The following PEX3 variants were observed in gnomAD, a reference collection of about 807,000 sequenced individuals.
PEX3 encodes the protein peroxisomal biogenesis factor 3, also known as peroxin-3.
In PEX3, 30 loss-of-function variants were observed where a neutral mutation model predicts 55.8. That is an observed-to-expected ratio of 0.54 (90% CI 0.40 to 0.73). The LOEUF (loss-of-function observed/expected upper bound fraction) is 0.73, where lower values mean the gene tolerates loss of function less well. PEX3 is among the 30% of genes least tolerant of loss of function. The probability of loss-of-function intolerance (pLI) is 0.00; values close to 1 mark genes in which losing one functional copy is unlikely to be tolerated. For missense variants in PEX3, 351 were observed against 432.8 expected (o/e 0.81, Z 1.68); for synonymous variants, 135 against 148.4 (o/e 0.91, Z 0.66).
Position 143,471,135 on chromosome 6 carries a change from A to C in PEX3, c.456+50A>C, listed in dbSNP as rs1780067775. 6.6e-7 allele frequency: 1 copy of C among 1,521,644 alleles called. No homozygotes were observed. The highest frequency in any genetic ancestry group is 9.1e-7 in the Non-Finnish European group (1 of 1,096,812). The allele number at this position is 1,521,644 out of a possible 1,614,324, so 94.3% of individuals were successfully genotyped here. A position where few individuals can be genotyped will look rare whatever the true frequency, so the allele number is the denominator to read the frequency against. Reference sequence around the variant, plus strand: ...CATTGTTCTTTCCCTCAGGAGGTTCAAAGTTTAACTTATTTATCCTGATAA... The same window carrying C: ...CATTGTTCTTTCCCTCAGGAGGTTCCAAGTTTAACTTATTTATCCTGATAA... On this transcript the variant is annotated intron_variant, in intron 5 of 11. Coordinates refer to ENST00000367591, the MANE Select transcript of PEX3 (RefSeq NM_003630.3). The surrounding 1 kb of genome is among the most constrained non-coding windows in gnomAD (Gnocchi z 5.4).
Position 143,484,177 on chromosome 6 carries a change from CTTG to C in PEX3, c.942-969_942-967del, listed in dbSNP as rs780366825. Among the ~76,000 whole-genome samples, 17 of 152,182 alleles carry C rather than the reference CTTG, an allele frequency of 1.1e-4. No homozygotes were observed. The South Asian group carries it at 2.5e-3, about 22-fold the overall frequency. ...CTACAACCCCAACGCAAAAATGAGTCTTGTTGTTTAAGTCATTGCATCACATAC... is the reference window on the plus strand; with the variant it reads ...CTACAACCCCAACGCAAAAATGAGTCTTGTTTAAGTCATTGCATCACATAC... On this transcript the variant is annotated intron_variant, in intron 10 of 11. Transcript: ENST00000367591.
Position 143,489,545 on chromosome 6 carries a change from A to T in PEX3, c.*319A>T, listed in dbSNP as rs223234. On this transcript the variant is annotated 3_prime_UTR_variant, in exon 12 of 12. Coordinates refer to ENST00000367591, the MANE Select transcript of PEX3 (RefSeq NM_003630.3). This position sits in a 1 kb window ranked among gnomAD's most constrained non-coding sequence, Gnocchi z 5.5. ...TATTTTATATACATATATATATATAAAAATACAAAATTCAGTGTACTTTAC... is the reference window on the plus strand; with the variant it reads ...TATTTTATATACATATATATATATATAAATACAAAATTCAGTGTACTTTAC... The T allele has an allele frequency of 0.8, 123,114 of 153,614 alleles. 49,744 individuals carry two copies. Among genetic ancestry groups the T allele is most frequent in the African/African-American group, 0.9 (37,171 of 41,100 alleles). 9.5% of individuals were successfully genotyped at this position (153,614 alleles called of 1,614,324 possible).
At position 143,465,954 on chromosome 6, in the gene PEX3, T is replaced by G. The variant is rs1051144911; in HGVS notation, c.288-2168T>G. Among the ~76,000 whole-genome samples, 5 of 151,980 alleles carry G rather than the reference T, an allele frequency of 3.3e-5. No homozygotes were observed. The highest frequency in any genetic ancestry group is 1.9e-4 in the East Asian group (1 of 5,204). On this transcript the variant is annotated intron_variant, in intron 3 of 11. Coordinates refer to ENST00000367591, the MANE Select transcript of PEX3 (RefSeq NM_003630.3). The surrounding 1 kb of genome is among the most constrained non-coding windows in gnomAD (Gnocchi z 4.7). ...GGACTTGTGTTTTCTATATCTGTGG[T>G]TTTTTTTATTTCATGTTTTCTAGTA...
Position 143,489,055 on chromosome 6 carries a change from G to C in PEX3, c.1039-88G>C, listed in dbSNP as rs1183166877. ...CTCTTGGCCTTTACCACAAAACTTA[G>C]AGCTGAATTCATCGCTTGATTGCAG... On this transcript the variant is annotated intron_variant, in intron 11 of 11. Transcript: ENST00000367591. The surrounding 1 kb of genome is among the most constrained non-coding windows in gnomAD (Gnocchi z 5.5). 3.4e-6 allele frequency: 3 copies of C among 887,292 alleles called. No homozygotes were observed. Among genetic ancestry groups the C allele is most frequent in the Non-Finnish European group, 5.7e-6 (3 of 524,772 alleles). 55.0% of individuals were successfully genotyped at this position (887,292 alleles called of 1,614,324 possible).
Position 143,479,252 on chromosome 6 carries a change from T to C in PEX3, c.941+54T>C. 1 of 1,388,462 alleles carries C rather than the reference T, an allele frequency of 7.2e-7. No homozygotes were observed. The highest frequency in any genetic ancestry group is 1.0e-6 in the Non-Finnish European group (1 of 976,728). 86.0% of individuals were successfully genotyped at this position (1,388,462 alleles called of 1,614,324 possible). Reference sequence around the variant, plus strand: ...AATGAATGCTCTAAAAAAATGGTGCTTTGCTTGTCTTTTTGTTCCAGATAA... The same window carrying C: ...AATGAATGCTCTAAAAAAATGGTGCCTTGCTTGTCTTTTTGTTCCAGATAA... On this transcript the variant is annotated intron_variant, in intron 10 of 11. Coordinates refer to ENST00000367591, the MANE Select transcript of PEX3 (RefSeq NM_003630.3). The surrounding 1 kb of genome is among the most constrained non-coding windows in gnomAD (Gnocchi z 4.6).
chr6:143,479,343 ACTT>A lies in PEX3; in HGVS notation c.941+150_941+152del. 1.6e-6 allele frequency: 1 copy of A among 635,006 alleles called. No homozygotes were observed. The highest frequency in any genetic ancestry group is 1.9e-5 in the South Asian group (1 of 52,378). The allele number at this position is 635,006 out of a possible 1,614,324, so 39.3% of individuals were successfully genotyped here. A position where few individuals can be genotyped will look rare whatever the true frequency, so the allele number is the denominator to read the frequency against. On this transcript the variant is annotated intron_variant, in intron 10 of 11. Coordinates refer to ENST00000367591, the MANE Select transcript of PEX3 (RefSeq NM_003630.3). The surrounding 1 kb of genome is among the most constrained non-coding windows in gnomAD (Gnocchi z 4.6). ...CAAATTAAACTCTGTTAAACCAACA[ACTT>A]CTTCACTAGCAGAAGCTCCTTCTTG...
chr6:143,468,196 T>G lies in PEX3; in HGVS notation c.331+31T>G. 2.1e-6 allele frequency: 3 copies of G among 1,430,470 alleles called. No homozygotes were observed. In the East Asian group the frequency reaches 6.8e-5, roughly 33 times the overall value. The allele number at this position is 1,430,470 out of a possible 1,614,324, so 88.6% of individuals were successfully genotyped here. A position where few individuals can be genotyped will look rare whatever the true frequency, so the allele number is the denominator to read the frequency against. On this transcript the variant is annotated intron_variant, in intron 4 of 11. Transcript: ENST00000367591. The stretch of plus-strand genomic sequence containing the variant: ...CCTGCATATTCTGTGTGACAGCACA[T>G]CCTTAAAATATTTATAAAGGGAAAT...
intron 2 of PEX3, among the ~76,000 whole-genome samples, chr6:143,460,426 T>A (rs1365022150): frequency 6.6e-6 from 1 of 152,218 alleles, no homozygotes; most frequent in Non-Finnish European, 1.5e-5. Flanking sequence ...ATAATGCCTA[T>A]ACAGTGCTTG....
chr6:143,489,113 A>G lies in PEX3; in HGVS notation c.1039-30A>G, dbSNP rs764132918. The G allele has an allele frequency of 1.4e-6, 2 of 1,433,836 alleles. No homozygotes were observed. The highest frequency in any genetic ancestry group is 2.0e-6 in the Non-Finnish European group (2 of 1,016,316). 88.8% of individuals were successfully genotyped at this position (1,433,836 alleles called of 1,614,324 possible). A position where few individuals can be genotyped will look rare whatever the true frequency, so the allele number is the denominator to read the frequency against. On this transcript the variant is annotated intron_variant, in intron 11 of 11. Transcript: ENST00000367591. This position sits in a 1 kb window ranked among gnomAD's most constrained non-coding sequence, Gnocchi z 5.5. ...TTCAAATTAGCTATATGTTTTGCAA[A>G]CTATAATGTTATATTATCATCTTTG...
In PEX3 at chr6:143,475,358, A is replaced by G. The variant is rs920868876; in HGVS notation, c.818+502A>G. 6.6e-6 allele frequency among the ~76,000 whole-genome samples: 1 copy of G among 152,174 alleles called. No individual in the cohort carries two copies. The highest frequency in any genetic ancestry group is 1.5e-5 in the Non-Finnish European group (1 of 68,024). ...TTCTATCTCTGTCTTTCCTTTAAACATCAGTGTTTCCAACCTGGTGCAGCA... is the reference window on the plus strand; with the variant it reads ...TTCTATCTCTGTCTTTCCTTTAAACGTCAGTGTTTCCAACCTGGTGCAGCA... On this transcript the variant is annotated intron_variant, in intron 9 of 11. Transcript: ENST00000367591. This position sits in a 1 kb window ranked among gnomAD's most constrained non-coding sequence, Gnocchi z 4.4.
Position 143,462,808 on chromosome 6 carries a change from C to T in PEX3, c.206-108C>T, listed in dbSNP as rs1221853468. The T allele has an allele frequency of 1.3e-6, 1 of 793,264 alleles. No homozygotes were observed. Among genetic ancestry groups the T allele is most frequent in the African/African-American group, 1.7e-5 (1 of 58,806 alleles). The allele number at this position is 793,264 out of a possible 1,614,324, so 49.1% of individuals were successfully genotyped here. The stretch of plus-strand genomic sequence containing the variant: ...GTCTAGCCCTGACTTTCCCTTCTGA[C>T]TCTTGCTAGTTGCTAGCCCTATCAT... On this transcript the variant is annotated intron_variant, in intron 2 of 11. Transcript: ENST00000367591. This position sits in a 1 kb window ranked among gnomAD's most constrained non-coding sequence, Gnocchi z 4.1.
rs1185613934 is a variant in PEX3 at position 143,459,241 on chromosome 6, T to G, written c.205+25T>G. ...GGTAAGACAGAGAAATATTTATACATGTGTAAAGTTGTTTGACGGTTGTAT... is the reference window on the plus strand; with the variant it reads ...GGTAAGACAGAGAAATATTTATACAGGTGTAAAGTTGTTTGACGGTTGTAT... On this transcript the variant is annotated intron_variant, in intron 2 of 11. Transcript: ENST00000367591. This position sits in a 1 kb window ranked among gnomAD's most constrained non-coding sequence, Gnocchi z 4.2. 1.3e-6 allele frequency: 2 copies of G among 1,598,476 alleles called. No individual in the cohort carries two copies. The highest frequency in any genetic ancestry group is 1.7e-6 in the Non-Finnish European group (2 of 1,166,610).
intron 10 of PEX3, among the ~76,000 whole-genome samples, chr6:143,484,683 A>T (rs915985754): frequency 2.0e-5 from 3 of 152,114 alleles, no homozygotes; most frequent in African/African-American, 7.2e-5. Context: ...AGATACATTC[A>T]TACCCTTTGA....
rs190698994 is a variant in PEX3 at position 143,456,771 on chromosome 6, A to T, written c.74-2314A>T. 7.2e-5 allele frequency among the ~76,000 whole-genome samples: 11 copies of T among 152,294 alleles called. No individual in the cohort carries two copies. The East Asian group carries it at 1.9e-3, about 27-fold the overall frequency. ...TATTTCCAAATAAGGTCACATTCTGAGGTGTTGGGGCTCCCATGGCAATTC... is the reference window on the plus strand; with the variant it reads ...TATTTCCAAATAAGGTCACATTCTGTGGTGTTGGGGCTCCCATGGCAATTC... On this transcript the variant is annotated intron_variant, in intron 1 of 11. Coordinates refer to ENST00000367591, the MANE Select transcript of PEX3 (RefSeq NM_003630.3).
chr6:143,473,878 A>G (rs1476842693), intron 8 of PEX3, among the ~76,000 whole-genome samples: 1 of 151,772 alleles, frequency 6.6e-6, no homozygotes, highest in African/African-American at 2.4e-5. Flanking sequence ...TAAAAAAAAA[A>G]TGCTTTGGGA....
chr6:143,466,098 C>T lies in PEX3; in HGVS notation c.288-2024C>T, dbSNP rs1346585749. ...AGCACTAAACTACCTCCACATAGTACATCCATACAATGGTGTACTACACGT... is the reference window on the plus strand; with the variant it reads ...AGCACTAAACTACCTCCACATAGTATATCCATACAATGGTGTACTACACGT... On this transcript the variant is annotated intron_variant, in intron 3 of 11. Transcript: ENST00000367591. This position sits in a 1 kb window ranked among gnomAD's most constrained non-coding sequence, Gnocchi z 5.4. Among the ~76,000 whole-genome samples, 1 of 152,054 alleles carries T rather than the reference C, an allele frequency of 6.6e-6. No individual in the cohort carries two copies. The highest frequency in any genetic ancestry group is 6.6e-5 in the Admixed American group (1 of 15,266).
At position 143,479,442 on chromosome 6, in the gene PEX3, CT is replaced by C. The variant is rs1329750886; in HGVS notation, c.941+247del. Among the ~76,000 whole-genome samples the C allele has an allele frequency of 2.0e-5, 3 of 151,910 alleles. No homozygotes were observed. Among genetic ancestry groups the C allele is most frequent in the African/African-American group, 7.3e-5 (3 of 41,378 alleles). On this transcript the variant is annotated intron_variant, in intron 10 of 11. Transcript: ENST00000367591. This position sits in a 1 kb window ranked among gnomAD's most constrained non-coding sequence, Gnocchi z 4.6. Reference sequence around the variant, plus strand: ...ATTGAAGTACTTTAGTTGTAATTACCTTTCTATAAGTTGAATTCCAATTATT... The same window carrying C: ...ATTGAAGTACTTTAGTTGTAATTACCTTCTATAAGTTGAATTCCAATTATT...
rs570868164 is a variant in PEX3, at chr6:143,459,751, G to A, written c.205+535G>A. Among the ~76,000 whole-genome samples the A allele has an allele frequency of 6.6e-6, 1 of 152,330 alleles. No individual in the cohort carries two copies. Among genetic ancestry groups the A allele is most frequent in the South Asian group, 2.1e-4 (1 of 4,822 alleles). ...ATGTAGCTAGAGCAGAATGAACAAT[G>A]GCAGTGATAGGAAACAAGGCTGCAG... is the stretch of plus-strand genomic sequence containing the variant. On this transcript the variant is annotated intron_variant, in intron 2 of 11. Transcript: ENST00000367591. This position sits in a 1 kb window ranked among gnomAD's most constrained non-coding sequence, Gnocchi z 4.2.
chr6:143,462,788 G>A lies in PEX3; in HGVS notation c.206-128G>A. The A allele has an allele frequency of 1.4e-6, 1 of 723,166 alleles. No individual in the cohort carries two copies. The highest frequency in any genetic ancestry group is 1.5e-5 in the South Asian group (1 of 66,764). The allele number at this position is 723,166 out of a possible 1,614,324, so 44.8% of individuals were successfully genotyped here. A position where few individuals can be genotyped will look rare whatever the true frequency, so the allele number is the denominator to read the frequency against. On this transcript the variant is annotated intron_variant, in intron 2 of 11. Coordinates refer to ENST00000367591, the MANE Select transcript of PEX3 (RefSeq NM_003630.3). This position sits in a 1 kb window ranked among gnomAD's most constrained non-coding sequence, Gnocchi z 4.1. ...TAATAATAATAATTTGAATCGTCTA[G>A]CCCTGACTTTCCCTTCTGACTCTTG... is the stretch of plus-strand genomic sequence containing the variant.
Sources: allele counts gnomAD v4.1 joint callset (sites outside exome capture counted in the v4.1 genomes callset), GRCh38; gene constraint gnomAD v4.1.1; non-coding constraint Gnocchi (gnomAD v3.1); transcripts MANE v1.5; gene names NCBI Gene and HGNC (gene_info 2026-07-23, HGNC 2026-07-21).